The following FBF1 variants were observed in gnomAD, a reference collection of about 807,000 sequenced individuals.
The protein encoded by FBF1 is Fas binding factor 1.
In FBF1, 119 loss-of-function variants were observed where a neutral mutation model predicts 147.2. The observed-to-expected ratio is 0.81, with a 90% CI of 0.70 to 0.94. The LOEUF (loss-of-function observed/expected upper bound fraction) is 0.94, where lower values mean the gene tolerates loss of function less well. FBF1 is among the 40% of genes least tolerant of loss of function. The pLI is 0.00. For synonymous variants in FBF1, 601 were observed against 609.0 expected, an observed-to-expected ratio of 0.99 and a Z score of 0.19; for missense variants, 1,449 against 1,500.8, an observed-to-expected ratio of 0.97 and a Z score of 0.57.
chr17:75,933,539 C>A (rs1407177131), intron 4 of FBF1, among the ~76,000 whole-genome samples: 2 of 152,144 alleles, frequency 1.3e-5, no homozygotes, highest in Non-Finnish European at 2.9e-5. Flanking sequence ...CCACTGCACT[C>A]CAGCCTGGGT....
chr17:75,909,890 C>T lies in FBF1; in HGVS notation c.*833G>A, dbSNP rs997534938. On this transcript the variant is annotated 3_prime_UTR_variant, in exon 30 of 30. Coordinates refer to ENST00000636174, the MANE Select transcript of FBF1 (RefSeq NM_001319193.2). ...TTTAAGCTTAGTCAAGTTGAAGCAG[C>T]GGGAGTGGAGGAGGATCAGAGAAAC... 8.6e-6 allele frequency: 6 copies of T among 700,328 alleles called. No individual in the cohort carries two copies. The highest frequency in any genetic ancestry group is 1.7e-5 in the African/African-American group (1 of 57,250). The allele number at this position is 700,328 out of a possible 1,614,324, so 43.4% of individuals were successfully genotyped here.
intron 7 of FBF1, 51 bp downstream of exon 7, chr17:75,929,945 AC>A: frequency 1.5e-6 from 1 of 650,910 alleles, no homozygotes; most frequent in Non-Finnish European, 2.8e-6. Flanking sequence ...AAATATCATG[AC>A]CCCACCCCAC....
intron 28 of FBF1, chr17:75,913,475 T>TA (rs2144150538): frequency 2.3e-6 from 1 of 436,586 alleles, no homozygotes; most frequent in East Asian, 3.5e-5. Flanking sequence ...ATTTCCTTTT[T>TA]TTTTCCTGAG....
At chr17:75,936,914 A>G (rs2144199534) in intron 3 of FBF1, among the ~76,000 whole-genome samples, 1 of 152,194 alleles carries the variant, frequency 6.6e-6, no homozygotes, top group East Asian at 1.9e-4. Flanking sequence ...ACTGGTCTGG[A>G]TGTCCTCATC....
At chr17:75,937,704 G>T in intron 2 of FBF1, 111 bp from the exon 3 acceptor site, 1 of 1,058,374 alleles carries the variant, frequency 9.4e-7, no homozygotes, top group South Asian at 1.3e-5. Context: ...AGAGGCAAGA[G>T]CACCAATGGC....
At chr17:75,927,182 G>A (rs1177690884) in intron 9 of FBF1, among the ~76,000 whole-genome samples, 1 of 152,242 alleles carries the variant, frequency 6.6e-6, no homozygotes, top group Non-Finnish European at 1.5e-5. Context: ...CAGAAGAGAA[G>A]TAAAATATCC....
At chr17:75,936,174 T>C (rs1171022174) in intron 3 of FBF1, among the ~76,000 whole-genome samples, 1 of 151,920 alleles carries the variant, frequency 6.6e-6, no homozygotes, top group Non-Finnish European at 1.5e-5. Flanking sequence ...ATTAGCCAGG[T>C]GTGGTGGCAT....
intron 28 of FBF1, 136 bp downstream of exon 28, chr17:75,913,566 G>T: frequency 3.4e-6 from 2 of 579,938 alleles, no homozygotes; most frequent in Non-Finnish European, 5.9e-6. Flanking sequence ...CACATTATTT[G>T]TGTAAAAAAG....
At position 75,919,666 on chromosome 17, in the gene FBF1, A is replaced by G; in HGVS notation, c.2138+2T>C. On this transcript the variant is annotated splice_donor_variant, in intron 20 of 29. Coordinates refer to ENST00000636174, the MANE Select transcript of FBF1 (RefSeq NM_001319193.2). LOFTEE classifies it high-confidence loss of function. The surrounding 1 kb of genome is among the most constrained non-coding windows in gnomAD (Gnocchi z 5.0). The stretch of plus-strand genomic sequence containing the variant: ...CCCCAGCTGCCTGTCCCTGGGCCTC[A>G]CCGCTGCAGCTCCCGGAGCCGCTCC... The G allele has an allele frequency of 6.3e-7, 1 of 1,593,276 alleles. No individual in the cohort carries two copies. Among genetic ancestry groups the G allele is most frequent in the Non-Finnish European group, 8.5e-7 (1 of 1,171,924 alleles).
chr17:75,911,731 G>A (rs1171658865), intron 29 of FBF1, among the ~76,000 whole-genome samples: 1 of 152,004 alleles, frequency 6.6e-6, no homozygotes, highest in South Asian at 2.1e-4. Flanking sequence ...AGCTGGCCAC[G>A]AACTCCTGGG....
intron 5 of FBF1, 137 bp downstream of exon 5, chr17:75,932,858 C>G: frequency 1.8e-6 from 1 of 562,470 alleles, no homozygotes; most frequent in Admixed American, 3.1e-5. Flanking sequence ...TGCACTCCAG[C>G]CTCGGCAACA....
intron 29 of FBF1, among the ~76,000 whole-genome samples, chr17:75,911,518 T>A (rs2144147002): frequency 6.6e-6 from 1 of 152,276 alleles, no homozygotes; most frequent in African/African-American, 2.4e-5. Flanking sequence ...AGCTAATTTT[T>A]AAATTTTTAA....
In FBF1 at chr17:75,918,458, G is replaced by A. The variant is rs1404322112; in HGVS notation, c.2139-189C>T. Among the ~76,000 whole-genome samples, 1 of 152,162 alleles carries A rather than the reference G, an allele frequency of 6.6e-6. No individual in the cohort carries two copies. The highest frequency in any genetic ancestry group is 2.4e-5 in the African/African-American group (1 of 41,446). ...GCCTCAATGCTACACGCACTAAGAT[G>A]GGCATTCCTCCCATTATTCAGCTTT... On this transcript the variant is annotated intron_variant, in intron 20 of 29. Coordinates refer to ENST00000636174, the MANE Select transcript of FBF1 (RefSeq NM_001319193.2). The surrounding 1 kb of genome is among the most constrained non-coding windows in gnomAD (Gnocchi z 5.8).
intron 28 of FBF1, 28 bp downstream of exon 28, chr17:75,913,674 G>T (rs1402591549): frequency 1.3e-6 from 2 of 1,544,768 alleles, no homozygotes; most frequent in Non-Finnish European, 8.7e-7. Context: ...GTCCTGAGCC[G>T]CCGGCCCTTC....
chr17:75,926,349 T>A lies in FBF1; in HGVS notation c.673A>T (p.Ile225Phe). ...EELLFDDGDD[I>F]MATLGFGDSP... is the part of the protein sequence containing the mutation. The stretch of plus-strand genomic sequence containing the variant: ...TCTCCAAACCCCAAGGTGGCCATGA[T>A]GTCATCCCCATCATCAAACAACAAT... Residue 225 changes from isoleucine to phenylalanine, a missense_variant, in exon 11 of 30, where the codon ATC (isoleucine) becomes TTC (phenylalanine). Transcript: ENST00000636174. 6.2e-7 allele frequency: 1 copy of A among 1,612,946 alleles called. No homozygotes were observed. The highest frequency in any genetic ancestry group is 1.1e-5 in the South Asian group (1 of 90,844).
intron 4 of FBF1, among the ~76,000 whole-genome samples, chr17:75,933,295 C>G (rs934358661): frequency 5.3e-5 from 8 of 152,088 alleles, no homozygotes; most frequent in African/African-American, 1.9e-4. Context: ...CCCTAAATGC[C>G]AAATACCAAA....
At chr17:75,931,350 G>C (rs1410161181) in intron 5 of FBF1, 61 bp from the exon 6 acceptor site, 1 of 1,461,976 alleles carries the variant, frequency 6.8e-7, no homozygotes. Context: ...CTCTAAAAAG[G>C]GGAGGAGTAG....
chr17:75,937,193 C>T (rs1034318381), intron 3 of FBF1, among the ~76,000 whole-genome samples: 8 of 150,324 alleles, frequency 5.3e-5, no homozygotes, highest in Non-Finnish European at 1.0e-4. Context: ...TTTTTTGAGA[C>T]GGAGTCTCAC....
chr17:75,932,304 G>C (rs1344934762), intron 5 of FBF1, among the ~76,000 whole-genome samples: 1 of 152,172 alleles, frequency 6.6e-6, no homozygotes, highest in Non-Finnish European at 1.5e-5. Context: ...TGGAACCTGG[G>C]AGGCAGAGGT....
Sources: allele counts gnomAD v4.1 joint callset (sites outside exome capture counted in the v4.1 genomes callset), GRCh38; gene constraint gnomAD v4.1.1; non-coding constraint Gnocchi (gnomAD v3.1); transcripts MANE v1.5; gene names NCBI Gene and HGNC (gene_info 2026-07-23, HGNC 2026-07-21).